The following TSNARE1 variants were observed in gnomAD, a reference collection of about 807,000 sequenced individuals.
TSNARE1 encodes the protein t-SNARE domain-containing protein 1.
TSNARE1 carries 49 observed loss-of-function variants against 62.0 expected under a neutral mutation model. That is an observed-to-expected ratio of 0.79 (90% CI 0.63 to 1.00). The LOEUF (loss-of-function observed/expected upper bound fraction) is 1.00. TSNARE1 is among the 50% of genes least tolerant of loss of function. TSNARE1 has a pLI of 0.00. For synonymous variants in TSNARE1, 328 were observed against 294.4 expected, an observed-to-expected ratio of 1.11 and a Z score of -1.17; for missense variants, 755 against 700.1, an observed-to-expected ratio of 1.08 and a Z score of -0.88.
intron 11 of TSNARE1, chr8:142,277,606 C>T (rs920345929): frequency 4.4e-5 from 43 of 985,324 alleles, no homozygotes; most frequent in Non-Finnish European, 5.1e-5. Context: ...AAGAGGAAGT[C>T]TGGCCCTGTC....
Position 142,281,224 on chromosome 8 carries a change from G to A in TSNARE1, c.1363+3189C>T, listed in dbSNP as rs1488445955. Among the ~76,000 whole-genome samples, 8 of 149,974 alleles carry A rather than the reference G, an allele frequency of 5.3e-5. No individual in the cohort carries two copies. In the South Asian group the frequency reaches 1.1e-3, roughly 20 times the overall value. The stretch of plus-strand genomic sequence containing the variant: ...AGCTGAGCGCTTTAACCAAAGGCCC[G>A]TGGGCACCAGGGGCAGCCTGGCTCT... On this transcript the variant is annotated intron_variant, in intron 11 of 13. Coordinates refer to ENST00000524325, the MANE Select transcript of TSNARE1 (RefSeq NM_145003.5).
intron 12 of TSNARE1, among the ~76,000 whole-genome samples, chr8:142,236,886 G>A (rs192602854): frequency 1.6e-4 from 25 of 152,352 alleles, no homozygotes; most frequent in Middle Eastern, 3.4e-3. Flanking sequence ...GGAAGCAGGC[G>A]CAGAGGAAAT....
intron 1 of TSNARE1, among the ~76,000 whole-genome samples, chr8:142,370,240 C>T (rs1476003955): frequency 6.6e-6 from 1 of 152,102 alleles, no homozygotes; most frequent in East Asian, 1.9e-4. Context: ...ATAGCAGCCT[C>T]AACAAACTGA....
chr8:142,323,031 G>A (rs1260847735), intron 6 of TSNARE1, among the ~76,000 whole-genome samples: 5 of 151,522 alleles, frequency 3.3e-5, no homozygotes, highest in Non-Finnish European at 4.4e-5. Flanking sequence ...ATGAAAGGCC[G>A]GCCTGGACAT....
intron 12 of TSNARE1, among the ~76,000 whole-genome samples, chr8:142,262,206 T>G (rs72687341): frequency 0.17 from 25,804 of 152,136 alleles, 2,489 homozygotes; most frequent in Middle Eastern, 0.26. Flanking sequence ...CTCACAAACT[T>G]TATAATCAGC....
At chr8:142,298,995 G>A (rs906639177) in intron 10 of TSNARE1, among the ~76,000 whole-genome samples, 1 of 152,204 alleles carries the variant, frequency 6.6e-6, no homozygotes, top group African/African-American at 2.4e-5. Context: ...CAAAGGGCTC[G>A]TTCAGCCCCA....
intron 11 of TSNARE1, among the ~76,000 whole-genome samples, chr8:142,282,455 G>A (rs1385594514): frequency 7.9e-5 from 12 of 151,876 alleles, no homozygotes; most frequent in Admixed American, 7.2e-4. Context: ...GTCTATCAAT[G>A]AGCAAAGGGG....
intron 10 of TSNARE1, among the ~76,000 whole-genome samples, chr8:142,295,589 C>T (rs928648896): frequency 3.9e-5 from 6 of 152,388 alleles, no homozygotes; most frequent in East Asian, 3.9e-4. Flanking sequence ...GGCAGGCCCC[C>T]GTCACTGGCA....
chr8:142,227,278 A>C (rs1030801485), intron 13 of TSNARE1, among the ~76,000 whole-genome samples: 2 of 148,080 alleles, frequency 1.4e-5, no homozygotes, highest in Non-Finnish European at 3.0e-5. Context: ...CCTCCACTGC[A>C]CCCACACAAC....
At chr8:142,220,976 G>C (rs1386857732) in intron 13 of TSNARE1, among the ~76,000 whole-genome samples, 1 of 152,222 alleles carries the variant, frequency 6.6e-6, no homozygotes, top group Non-Finnish European at 1.5e-5. Context: ...ATAAATGGCA[G>C]CTATGAATGT....
At chr8:142,374,417 G>A (rs775669199) in intron 1 of TSNARE1, among the ~76,000 whole-genome samples, 3 of 151,918 alleles carry the variant, frequency 2.0e-5, no homozygotes, top group African/African-American at 4.8e-5. Flanking sequence ...GGTGGCTCAC[G>A]CCTGTAATCC....
At chr8:142,311,721 TTCTC>T (rs1827655516) in intron 9 of TSNARE1, among the ~76,000 whole-genome samples, 2 of 152,230 alleles carry the variant, frequency 1.3e-5, no homozygotes, top group African/African-American at 4.8e-5. Context: ...TCTATCCATT[TTCTC>T]TCTCTCCTGT....
At chr8:142,268,618 G>A (rs1819264553) in intron 12 of TSNARE1, among the ~76,000 whole-genome samples, 1 of 150,458 alleles carries the variant, frequency 6.6e-6, no homozygotes, top group African/African-American at 2.4e-5. Flanking sequence ...CTGATTTGGG[G>A]CTGAAGCCGT....
chr8:142,246,259 G>A (rs1178846521), intron 12 of TSNARE1, among the ~76,000 whole-genome samples: 2 of 152,132 alleles, frequency 1.3e-5, no homozygotes, highest in Non-Finnish European at 1.5e-5. Context: ...GGGACCCCCA[G>A]GAGATGGCAG....
intron 1 of TSNARE1, chr8:142,402,708 G>GC (rs955007512): frequency 1.3e-5 from 2 of 152,456 alleles, no homozygotes; most frequent in Admixed American, 6.5e-5. Flanking sequence ...CTTGCACCCA[G>GC]CAAGTAGGCG....
intron 1 of TSNARE1, among the ~76,000 whole-genome samples, chr8:142,388,501 T>TA (rs34348082): frequency 0.023 from 1,551 of 68,812 alleles, 30 homozygotes; most frequent in African/African-American, 0.07. Flanking sequence ...GATAATGAAC[T>TA]AAAAAAAAAA....
At chr8:142,361,810 A>G (rs1417490304) in intron 1 of TSNARE1, among the ~76,000 whole-genome samples, 3 of 152,152 alleles carry the variant, frequency 2.0e-5, no homozygotes, top group African/African-American at 7.2e-5. Flanking sequence ...GGGTGCACAC[A>G]CACAGGGAGC....
At chr8:142,276,168 G>C (rs1409399045) in intron 11 of TSNARE1, 2 of 985,306 alleles carry the variant, frequency 2.0e-6, no homozygotes, top group Non-Finnish European at 2.4e-6. Context: ...GGAGAGCCAG[G>C]CTCCTGCACA....
intron 1 of TSNARE1, among the ~76,000 whole-genome samples, chr8:142,384,371 C>T (rs561142545): frequency 6.6e-6 from 1 of 152,254 alleles, no homozygotes; most frequent in South Asian, 2.1e-4. Context: ...AACCCAATAG[C>T]CAAAATAATC....
Sources: allele counts gnomAD v4.1 joint callset (sites outside exome capture counted in the v4.1 genomes callset), GRCh38; gene constraint gnomAD v4.1.1; transcripts MANE v1.5; gene names NCBI Gene and HGNC (gene_info 2026-07-23, HGNC 2026-07-21).